CRB2: variants seen among roughly 807,000 people sequenced by gnomAD.
CRB2 encodes protein crumbs homolog 2.
A neutral mutation model predicts 110.9 loss-of-function variants in CRB2; 85 were observed. The ratio of observed to expected loss-of-function variants is 0.77; its 90% CI spans 0.64 to 0.92. CRB2 has a LOEUF of 0.92. Among genes scored for constraint, CRB2 ranks in the 40% least tolerant of loss-of-function variants. The pLI is 0.00. For synonymous variants in CRB2, 907 were observed against 831.0 expected, an observed-to-expected ratio of 1.09 and a Z score of -1.57; for missense variants, 1,843 against 1,851.3, an observed-to-expected ratio of 1.00 and a Z score of 0.08.
At chr9:123,359,191 AT>A (rs2041832376) in intron 1 of CRB2, among the ~76,000 whole-genome samples, 1 of 151,934 alleles carries the variant, frequency 6.6e-6, no homozygotes, top group African/African-American at 2.4e-5. Context: ...CCAAAAGAGA[AT>A]TTCACCCTTT....
chr9:123,375,482 G>C, intron 12 of CRB2, 139 bp downstream of exon 12: 1 of 1,042,624 alleles, frequency 9.6e-7, no homozygotes, highest in South Asian at 2.1e-5. Flanking sequence ...AGGAGCCTCA[G>C]GTCCCTTCCA....
intron 2 of CRB2, among the ~76,000 whole-genome samples, chr9:123,363,645 T>C (rs989547315): frequency 2.0e-5 from 3 of 152,152 alleles, no homozygotes; most frequent in African/African-American, 7.2e-5. Flanking sequence ...GAGTGCAATG[T>C]GGACCCCTGG....
At chr9:123,371,612 G>T (rs1393625900) in intron 8 of CRB2, 34 bp downstream of exon 8, 1 of 1,607,348 alleles carries the variant, frequency 6.2e-7, no homozygotes, top group Non-Finnish European at 8.5e-7. Flanking sequence ...GTGGTGGGGT[G>T]GGGAGTCCTT....
chr9:123,374,062 A>G, intron 10 of CRB2, 142 bp downstream of exon 10: 1 of 1,071,522 alleles, frequency 9.3e-7, no homozygotes. Flanking sequence ...GGACAGTTTA[A>G]TTTGATAAAT....
At chr9:123,354,717 G>T (rs2041780428), upstream of CRB2, among the ~76,000 whole-genome samples, 1 of 152,230 alleles carries the variant, frequency 6.6e-6, no homozygotes. Context: ...GAAACCAAGG[G>T]GCAATCCCTG....
chr9:123,370,687 G>C lies in CRB2; in HGVS notation c.1634G>C (p.Cys545Ser). The C allele has an allele frequency of 1.2e-6, 2 of 1,605,802 alleles. No homozygotes were observed. The highest frequency in any genetic ancestry group is 8.5e-7 in the Non-Finnish European group (1 of 1,179,994). The change falls in exon 7 of 13, where the codon TGT becomes TCT. Residue 545 changes from cysteine (C) to serine (S), a missense_variant. Transcript: ENST00000373631. ...CATGAGGGCTGCCCTGCCCGGCTCT[G>C]TGTGGCCTCTGGTCCTGTGGCCCTG... Reference protein sequence around the residue: ...LWHEGCPARLCVASGPVALAS... With the variant: ...LWHEGCPARLSVASGPVALAS...
rs7848449 is a variant in CRB2 at position 123,373,552 on chromosome 9, T to G, written c.3021T>G (p.Ala1007=). Residue 1007 remains alanine (A), a synonymous_variant, in exon 10 of 13, where the codon GCT becomes GCG. Transcript: ENST00000373631. The part of the protein sequence containing the change: ...QGPGAVRILL[A]ENFTGCLGRV... ...CGGGTGCTGTGCGCATCCTGCTGGC[T>G]GAGAACTTCACCGGCTGCTTGGGCC... 21 of 1,483,624 alleles carry G rather than the reference T, an allele frequency of 1.4e-5. No individual in the cohort carries two copies. Among genetic ancestry groups the G allele is most frequent in the Non-Finnish European group, 1.8e-5 (20 of 1,121,778 alleles). The allele number at this position is 1,483,624 out of a possible 1,614,324, so 91.9% of individuals were successfully genotyped here. A position where few individuals can be genotyped will look rare whatever the true frequency, so the allele number is the denominator to read the frequency against.
upstream of CRB2, among the ~76,000 whole-genome samples, chr9:123,354,587 G>T (rs1018039117): frequency 1.3e-5 from 2 of 152,228 alleles, no homozygotes; most frequent in South Asian, 2.1e-4. Flanking sequence ...GATCTCTTAC[G>T]CTGTGAGGCC....
Position 123,378,126 on chromosome 9 carries a change from G to A in CRB2, c.*1064G>A, listed in dbSNP as rs1588226374. On this transcript the variant is annotated 3_prime_UTR_variant, in exon 13 of 13. Coordinates refer to ENST00000373631, the MANE Select transcript of CRB2 (RefSeq NM_173689.7). ...CTGGCTGCCTCTACACAGACTCGGC[G>A]AGAGGACTTGAAGGAAGCCCTCTGG... The A allele has an allele frequency of 1.3e-5, 2 of 152,302 alleles. No homozygotes were observed. Among genetic ancestry groups the A allele is most frequent in the African/African-American group, 2.4e-5 (1 of 41,454 alleles). The allele number at this position is 152,302 out of a possible 1,614,324, so 9.4% of individuals were successfully genotyped here. A position where few individuals can be genotyped will look rare whatever the true frequency, so the allele number is the denominator to read the frequency against.
chr9:123,369,047 C>A, intron 6 of CRB2: 1 of 875,316 alleles, frequency 1.1e-6, no homozygotes, highest in South Asian at 2.2e-5. Flanking sequence ...GGGCTTCAAA[C>A]CCTGGTGACT....
intron 1 of CRB2, among the ~76,000 whole-genome samples, chr9:123,360,262 A>G (rs964109604): frequency 6.6e-6 from 1 of 152,176 alleles, no homozygotes; most frequent in Non-Finnish European, 1.5e-5. Flanking sequence ...CCTCCCCAGG[A>G]CAGGGCAGCA....
chr9:123,356,190 G>A (rs1396458301), upstream of CRB2: 6 of 1,063,808 alleles, frequency 5.6e-6, no homozygotes, highest in Admixed American at 3.0e-5. Flanking sequence ...GGAGGGACGA[G>A]GGGGGTGCGG....
chr9:123,377,158 G>C lies in CRB2; in HGVS notation c.*96G>C, dbSNP rs972587629. 10 of 1,154,370 alleles carry C rather than the reference G, an allele frequency of 8.7e-6. No individual in the cohort carries two copies. Among genetic ancestry groups the C allele is most frequent in the Non-Finnish European group, 1.2e-5 (10 of 833,360 alleles). 71.5% of individuals were successfully genotyped at this position (1,154,370 alleles called of 1,614,324 possible). A position where few individuals can be genotyped will look rare whatever the true frequency, so the allele number is the denominator to read the frequency against. On this transcript the variant is annotated 3_prime_UTR_variant, in exon 13 of 13. Coordinates refer to ENST00000373631, the MANE Select transcript of CRB2 (RefSeq NM_173689.7). ...CTTCCAGGGCTCGGGACATTGCTAC[G>C]GAAGTGTCCCCTTGGCTGGCAGCCT... is the stretch of plus-strand genomic sequence containing the variant.
chr9:123,375,167 A>G (rs1223750637), intron 11 of CRB2, 50 bp from the exon 12 acceptor site: 1 of 1,609,264 alleles, frequency 6.2e-7, no homozygotes, highest in Admixed American at 1.7e-5. Flanking sequence ...CTGGGAGCAC[A>G]AGAGGCAGCC....
At chr9:123,362,735 C>T (rs1333759555) in intron 1 of CRB2, 130 bp from the exon 2 acceptor site, 13 of 829,930 alleles carry the variant, frequency 1.6e-5, no homozygotes, top group East Asian at 1.5e-4. Flanking sequence ...AGACCCCTGG[C>T]CCTCTGTCCA....
In CRB2 at chr9:123,363,035, C is replaced by A; in HGVS notation, c.265C>A (p.Pro89Thr). ...TCTGTGTGTGCCCCAGGGTCCAGATCCCACCGGCTTCCGCTGCTACTGCGT... is the reference window on the plus strand; with the variant it reads ...TCTGTGTGTGCCCCAGGGTCCAGATACCACCGGCTTCCGCTGCTACTGCGT... Reference protein sequence around the residue: ...GALCVPQGPDPTGFRCYCVPG... With the variant: ...GALCVPQGPDTTGFRCYCVPG... The change falls in exon 2 of 13, where the codon CCC becomes ACC. Residue 89 changes from proline (P) to threonine (T), a missense_variant. By Grantham distance (38) the Pro-to-Thr change is conservative (BLOSUM62 -1). Coordinates refer to ENST00000373631, the MANE Select transcript of CRB2 (RefSeq NM_173689.7). The A allele has an allele frequency of 6.2e-7, 1 of 1,612,424 alleles. No individual in the cohort carries two copies. Among genetic ancestry groups the A allele is most frequent in the Non-Finnish European group, 8.5e-7 (1 of 1,179,932 alleles).
At position 123,377,181 on chromosome 9, in the gene CRB2, C is replaced by T; in HGVS notation, c.*119C>T. ...ACGGAAGTGTCCCCTTGGCTGGCAG[C>T]CTCTGCCTCTGCCTCTGCCCCATCC... On this transcript the variant is annotated 3_prime_UTR_variant, in exon 13 of 13. Coordinates refer to ENST00000373631, the MANE Select transcript of CRB2 (RefSeq NM_173689.7). The T allele has an allele frequency of 3.6e-6, 3 of 828,858 alleles. No homozygotes were observed. The highest frequency in any genetic ancestry group is 5.5e-6 in the Non-Finnish European group (3 of 544,790). 51.3% of individuals were successfully genotyped at this position (828,858 alleles called of 1,614,324 possible).
chr9:123,367,364 C>T lies in CRB2; in HGVS notation c.940+7C>T, dbSNP rs1232535911. On this transcript the variant is annotated splice_region_variant and intron_variant, in intron 5 of 12. Coordinates refer to ENST00000373631, the MANE Select transcript of CRB2 (RefSeq NM_173689.7). ...TGCCCTCCTGGCTTTGAGGGTGAGC[C>T]CCTGCTGGGGAAGCGGTCAGCCCAT... 3.8e-6 allele frequency: 6 copies of T among 1,597,226 alleles called. No individual in the cohort carries two copies. The South Asian group carries it at 5.5e-5, about 15-fold the overall frequency.
chr9:123,359,811 A>C (rs1234139373), intron 1 of CRB2, among the ~76,000 whole-genome samples: 1 of 152,178 alleles, frequency 6.6e-6, no homozygotes, highest in Admixed American at 6.5e-5. Flanking sequence ...AAGTGCATGA[A>C]AAGTAGGAGT....
Sources: gnomAD v4.1 joint callset for allele counts (sites outside exome capture counted in the v4.1 genomes callset) on GRCh38, gnomAD v4.1.1 for gene constraint, MANE v1.5 for transcripts, NCBI Gene and HGNC (gene_info 2026-07-23, HGNC 2026-07-21) for gene names.